SETX: variants seen among roughly 807,000 people sequenced by gnomAD.
SETX encodes the protein helicase senataxin.
In SETX, 90 loss-of-function variants were observed where a neutral mutation model predicts 227.2. The ratio of observed to expected loss-of-function variants is 0.40; its 90% CI spans 0.33 to 0.47. SETX has a LOEUF of 0.47. Among genes scored for constraint, SETX ranks in the 20% least tolerant of loss-of-function variants. The probability of loss-of-function intolerance (pLI) is 0.91; values close to 1 mark genes in which losing one functional copy is unlikely to be tolerated. For synonymous variants in SETX, 1,210 were observed against 1,113.2 expected, an observed-to-expected ratio of 1.09 and a Z score of -1.73; for missense variants, 3,052 against 3,181.5, an observed-to-expected ratio of 0.96 and a Z score of 0.98.
chr9:132,317,154 G>A (rs557463592), intron 10 of SETX, among the ~76,000 whole-genome samples: 2 of 152,314 alleles, frequency 1.3e-5, no homozygotes, highest in African/African-American at 4.8e-5. Context: ...AGTGTCTCAT[G>A]CATTCATCAT....
At chr9:132,286,943 C>T (rs1843938041) in intron 17 of SETX, among the ~76,000 whole-genome samples, 2 of 152,210 alleles carry the variant, frequency 1.3e-5, no homozygotes, top group Non-Finnish European at 2.9e-5. Context: ...CTTTCTCTCC[C>T]TCTGGGGTTT....
At chr9:132,346,715 G>T (rs1185753814) in intron 3 of SETX, among the ~76,000 whole-genome samples, 2 of 151,964 alleles carry the variant, frequency 1.3e-5, no homozygotes, top group East Asian at 3.9e-4. Context: ...ATTTTGGAAG[G>T]CTGAGGTAGG....
chr9:132,342,829 A>G lies in SETX; in HGVS notation c.389-30T>C, dbSNP rs1024460295. On this transcript the variant is annotated intron_variant, in intron 4 of 25. Transcript: ENST00000224140. ...AAAGAAAAAAATAAGTAAAATACAT[A>G]AATCTTATCACCTTATCAAGATTCC... is the stretch of plus-strand genomic sequence containing the variant. 6 of 1,453,164 alleles carry G rather than the reference A, an allele frequency of 4.1e-6. No individual in the cohort carries two copies. In the East Asian group the frequency reaches 1.1e-4, roughly 27 times the overall value. 90.0% of individuals were successfully genotyped at this position (1,453,164 alleles called of 1,614,324 possible). A position where few individuals can be genotyped will look rare whatever the true frequency, so the allele number is the denominator to read the frequency against.
At position 132,326,453 on chromosome 9, in the gene SETX, G is replaced by A. The variant is rs1589734233; in HGVS notation, c.5145C>T (p.Asn1715=). 6.2e-7 allele frequency: 1 copy of A among 1,614,154 alleles called. No individual in the cohort carries two copies. The highest frequency in any genetic ancestry group is 8.5e-7 in the Non-Finnish European group (1 of 1,180,018). ...TTGCAGGGGGCCCACACTGACCAAAGTTCAAAAACATTTCATATTTCCATT... is the reference window on the plus strand; with the variant it reads ...TTGCAGGGGGCCCACACTGACCAAAATTCAAAAACATTTCATATTTCCATT... ...VLKWKYEMFL[N]FGQCGPPASL... is the part of the protein sequence containing the mutation. Residue 1715 remains asparagine (N), a synonymous_variant, in exon 10 of 26, where the codon AAC becomes AAT. Transcript: ENST00000224140.
chr9:132,350,307 G>GC (rs1383621856), intron 2 of SETX, among the ~76,000 whole-genome samples: 1 of 152,044 alleles, frequency 6.6e-6, no homozygotes, highest in Non-Finnish European at 1.5e-5. Context: ...CCAAGATTGC[G>GC]CCACTGCACT....
Position 132,346,388 on chromosome 9 carries a change from T to G in SETX, c.261A>C (p.Leu87Phe). ...MKAEIGDDDELYIVDNNGEMP... is the reference protein window; with the variant it reads ...MKAEIGDDDEFYIVDNNGEMP... ...TCTCTCCATTATTGTCTACTATATATAACTCATCATCATCTCCAATTTCTG... is the reference window on the plus strand; with the variant it reads ...TCTCTCCATTATTGTCTACTATATAGAACTCATCATCATCTCCAATTTCTG... Residue 87 changes from leucine to phenylalanine, a missense_variant, in exon 4 of 26, where the codon TTA (leucine) becomes TTC (phenylalanine). Around this residue, in one of 10 missense-constraint regions of SETX, gnomAD observed 152 missense variants for 156.2 expected, o/e 0.97. Transcript: ENST00000224140. 6.2e-7 allele frequency: 1 copy of G among 1,613,784 alleles called. No homozygotes were observed. The highest frequency in any genetic ancestry group is 8.5e-7 in the Non-Finnish European group (1 of 1,179,724).
Position 132,328,031 on chromosome 9 carries a change from A to G in SETX, c.3567T>C (p.Asn1189=). ...SVRNEGQSDT[N]KRDLVGNDFK... ...AATCATTTCCCACAAGATCTCTCTT[A>G]TTAGTATCAGACTGGCCCTCATTTC... The change falls in exon 10 of 26, where the codon AAT becomes AAC. Residue 1189 remains asparagine, a synonymous_variant. Transcript: ENST00000224140. The G allele has an allele frequency of 6.2e-7, 1 of 1,614,116 alleles. No homozygotes were observed. Among genetic ancestry groups the G allele is most frequent in the Non-Finnish European group, 8.5e-7 (1 of 1,180,018 alleles).
In SETX at chr9:132,331,420, C is replaced by T. The variant is rs769799706; in HGVS notation, c.867G>A (p.Ala289=). Residue 289 remains alanine, a synonymous_variant, in exon 8 of 26, where the codon GCG becomes GCA. Coordinates refer to ENST00000224140, the MANE Select transcript of SETX (RefSeq NM_015046.7). ...DDDSVDPFWP[A]LHCFMVILDR... Reference sequence around the variant, plus strand: ...CCAGAATCACCATAAAACAGTGTAACGCTGGCCAGAAAGGATCCACACTAT... The same window carrying T: ...CCAGAATCACCATAAAACAGTGTAATGCTGGCCAGAAAGGATCCACACTAT... 14 of 1,613,828 alleles carry T rather than the reference C, an allele frequency of 8.7e-6. No individual in the cohort carries two copies. The East Asian group carries it at 1.8e-4, about 21-fold the overall frequency.
At chr9:132,323,590 T>C (rs754903042) in intron 10 of SETX, among the ~76,000 whole-genome samples, 63 of 152,076 alleles carry the variant, frequency 4.1e-4, no homozygotes, top group Middle Eastern at 3.4e-3. Flanking sequence ...AGTTACAATA[T>C]GGACATGTTA....
At chr9:132,353,134 C>T (rs1244594957) in intron 2 of SETX, among the ~76,000 whole-genome samples, 1 of 152,190 alleles carries the variant, frequency 6.6e-6, no homozygotes, top group Non-Finnish European at 1.5e-5. Flanking sequence ...ATGACTCCTC[C>T]TCCAATGTTG....
chr9:132,293,906 C>T (rs1021723443), intron 15 of SETX, among the ~76,000 whole-genome samples: 4 of 152,028 alleles, frequency 2.6e-5, no homozygotes, highest in Admixed American at 2.6e-4. Context: ...CGCCTATAGT[C>T]CCAGCTACTC....
chr9:132,281,335 CT>C, intron 20 of SETX, 131 bp downstream of exon 20: 2 of 684,958 alleles, frequency 2.9e-6, no homozygotes, highest in Non-Finnish European at 5.2e-6. Context: ...AAGTGCTTCT[CT>C]TTTCTTAGTT....
intron 10 of SETX, among the ~76,000 whole-genome samples, chr9:132,322,885 G>C (rs1294797570): frequency 6.6e-6 from 1 of 151,960 alleles, no homozygotes; most frequent in Admixed American, 6.6e-5. Flanking sequence ...CCATGAAATA[G>C]AATAAAGGAC....
In SETX at chr9:132,333,426, C is replaced by T. The variant is rs1268919073; in HGVS notation, c.838+1182G>A. Among the ~76,000 whole-genome samples, 662 of 125,794 alleles carry T rather than the reference C, an allele frequency of 5.3e-3. 12 individuals carry two copies. The highest frequency in any genetic ancestry group is 0.014 in the African/African-American group (441 of 32,038). 82.5% of individuals were successfully genotyped at this position (125,794 alleles called of 152,430 possible). A position where few individuals can be genotyped will look rare whatever the true frequency, so the allele number is the denominator to read the frequency against. On this transcript the variant is annotated intron_variant, in intron 7 of 25. Transcript: ENST00000224140. ...AAAAAAAAATATATATACACACACA[C>T]ACACACACACACACACACACACACA... is the stretch of plus-strand genomic sequence containing the variant.
Position 132,336,458 on chromosome 9 carries a change from A to C in SETX, c.556T>G (p.Tyr186Asp), listed in dbSNP as rs1847624209. 6.2e-7 allele frequency: 1 copy of C among 1,614,154 alleles called. No individual in the cohort carries two copies. The highest frequency in any genetic ancestry group is 8.5e-7 in the Non-Finnish European group (1 of 1,180,012). The change falls in exon 6 of 26, where the codon TAT becomes GAT. Residue 186 changes from tyrosine to aspartate, a missense_variant. Physicochemically the swap from Tyr to Asp is radical, Grantham distance 160. Coordinates refer to ENST00000224140, the MANE Select transcript of SETX (RefSeq NM_015046.7). ...AGTAAAACTTCTTGTAAGTCATAATAATCATCTCTGTCCACTTTCCCCAAG... is the reference window on the plus strand; with the variant it reads ...AGTAAAACTTCTTGTAAGTCATAATCATCATCTCTGTCCACTTTCCCCAAG... ...RNLGKVDRDD[Y>D]YDLQEVLLCL...
chr9:132,284,682 G>A (rs1371919185), intron 18 of SETX, among the ~76,000 whole-genome samples: 1 of 152,178 alleles, frequency 6.6e-6, no homozygotes, highest in African/African-American at 2.4e-5. Flanking sequence ...GGGAGTTTAT[G>A]CTCTAACCCA....
At chr9:132,265,231 T>TG (rs1212494607) in intron 25 of SETX, among the ~76,000 whole-genome samples, 3 of 146,148 alleles carry the variant, frequency 2.1e-5, no homozygotes, top group Non-Finnish European at 3.0e-5. Flanking sequence ...TTTGTTTTTT[T>TG]TTTTTTTTTT....
chr9:132,328,019 A>T lies in SETX; in HGVS notation c.3579T>A (p.Leu1193=). 1 of 1,614,024 alleles carries T rather than the reference A, an allele frequency of 6.2e-7. No individual in the cohort carries two copies. Residue 1193 remains leucine (L), a synonymous_variant, in exon 10 of 26, where the codon CTT becomes CTA. Coordinates refer to ENST00000224140, the MANE Select transcript of SETX (RefSeq NM_015046.7). The part of the protein sequence containing the change: ...EGQSDTNKRD[L]VGNDFKSIDR... ...CAATACTTTTAAAATCATTTCCCAC[A>T]AGATCTCTCTTATTAGTATCAGACT...
In SETX at chr9:132,327,356, T is replaced by C; in HGVS notation, c.4242A>G (p.Ile1414Met). Residue 1414 changes from isoleucine (I) to methionine (M), a missense_variant, in exon 10 of 26, where the codon ATA becomes ATG. Physicochemically the swap from Ile to Met is conservative, Grantham distance 10. Around this residue, in one of 10 missense-constraint regions of SETX, gnomAD observed 1,483 missense variants for 1,312.0 expected, o/e 1.13. Transcript: ENST00000224140. The part of the protein sequence containing the change: ...VLANSNRKQL[I>M]KCMPSEPETI... The stretch of plus-strand genomic sequence containing the variant: ...TTTCTGGTTCAGAAGGCATGCATTT[T>C]ATTAACTGTTTTCTGTTACTGTTGG... 1 of 1,614,252 alleles carries C rather than the reference T, an allele frequency of 6.2e-7. No homozygotes were observed. Among genetic ancestry groups the C allele is most frequent in the Non-Finnish European group, 8.5e-7 (1 of 1,180,036 alleles).
Sources: gnomAD v4.1 joint callset for allele counts (sites outside exome capture counted in the v4.1 genomes callset) on GRCh38, gnomAD v4.1.1 for gene constraint, gnomAD v4.1.1 regional missense constraint, MANE v1.5 for transcripts, NCBI Gene and HGNC (gene_info 2026-07-23, HGNC 2026-07-21) for gene names.